Variants in DOCK1 observed in about 807,000 individuals in gnomAD.
DOCK1 encodes the protein dedicator of cytokinesis protein 1.
DOCK1 carries 138 observed loss-of-function variants against 262.7 expected under a neutral mutation model. The ratio of observed to expected loss-of-function variants is 0.53; its 90% CI spans 0.46 to 0.61. The LOEUF is 0.61. Ranked by LOEUF, DOCK1 falls within the 20% of genes least tolerant of loss-of-function variation. The pLI is 0.00. For missense variants in DOCK1, 1,908 were observed against 2,370.7 expected, an observed-to-expected ratio of 0.80 and a Z score of 4.05; for synonymous variants, 866 against 867.4, an observed-to-expected ratio of 1.00 and a Z score of 0.03.
chr10:127,024,578 G>A (rs9418706), intron 14 of DOCK1, 107 bp from the exon 15 acceptor site: 159,245 of 892,280 alleles, frequency 0.18, 15,626 homozygotes, highest in South Asian at 0.3. Flanking sequence ...GTGGGGGTGT[G>A]TTGGTGTTCT....
At chr10:127,351,077 G>T (rs866727516) in intron 31 of DOCK1, among the ~76,000 whole-genome samples, 3 of 152,166 alleles carry the variant, frequency 2.0e-5, no homozygotes, top group Non-Finnish European at 4.4e-5. Context: ...TCACTCGGGG[G>T]TATGTTTCTT....
intron 27 of DOCK1, among the ~76,000 whole-genome samples, chr10:127,182,058 C>T (rs930718094): frequency 1.1e-4 from 17 of 152,104 alleles, no homozygotes; most frequent in Admixed American, 1.3e-4. Context: ...CTGAGCAATG[C>T]GTGAGGAACT....
chr10:127,336,693 C>T (rs1373385163), intron 29 of DOCK1, among the ~76,000 whole-genome samples: 6 of 152,100 alleles, frequency 3.9e-5, no homozygotes, highest in Non-Finnish European at 8.8e-5. Context: ...GTGCCCGCCA[C>T]CACACCCAGC....
At chr10:126,990,086 A>C (rs1180916789) in intron 5 of DOCK1, among the ~76,000 whole-genome samples, 1 of 152,154 alleles carries the variant, frequency 6.6e-6, no homozygotes, top group Admixed American at 6.5e-5. Context: ...GGCTCAGACT[A>C]ATTCCGGAGG....
intron 29 of DOCK1, among the ~76,000 whole-genome samples, chr10:127,303,240 G>A (rs979124345): frequency 6.6e-6 from 1 of 152,182 alleles, no homozygotes; most frequent in African/African-American, 2.4e-5. Context: ...GACACCTCAA[G>A]GATAGGAGGT....
intron 27 of DOCK1, among the ~76,000 whole-genome samples, chr10:127,146,835 C>T (rs972597518): frequency 1.3e-5 from 2 of 152,162 alleles, no homozygotes; most frequent in East Asian, 1.9e-4. Context: ...GGAATTGGCA[C>T]GGATTCTGCA....
chr10:126,999,537 G>T lies in DOCK1; in HGVS notation c.849+102G>T. The T allele has an allele frequency of 3.2e-6, 3 of 941,790 alleles. No individual in the cohort carries two copies. The South Asian group carries it at 4.4e-5, about 14-fold the overall frequency. 58.3% of individuals were successfully genotyped at this position (941,790 alleles called of 1,614,324 possible). A position where few individuals can be genotyped will look rare whatever the true frequency, so the allele number is the denominator to read the frequency against. ...CTGCGACACTAGAACATGGGTCCCT[G>T]GGATGCCTGTATACAGGTTAATTTA... On this transcript the variant is annotated intron_variant, in intron 9 of 51. Transcript: ENST00000623213.
rs1262390159 is a variant in DOCK1 at position 127,428,700 on chromosome 10, G to A, written c.4914+2689G>A. Reference sequence around the variant, plus strand: ...GGGGTACCGTGTGGATTGTGGTGCTGTGTGGACTGTGTCATGTGGATTGTG... The same window carrying A: ...GGGGTACCGTGTGGATTGTGGTGCTATGTGGACTGTGTCATGTGGATTGTG... On this transcript the variant is annotated intron_variant, in intron 47 of 51. Transcript: ENST00000623213. 2.9e-5 allele frequency among the ~76,000 whole-genome samples: 4 copies of A among 137,608 alleles called. No homozygotes were observed. In the Admixed American group the frequency reaches 3.0e-4, roughly 10 times the overall value. The allele number at this position is 137,608 out of a possible 152,430, so 90.3% of individuals were successfully genotyped here.
At chr10:127,188,768 C>T (rs1269602550) in intron 27 of DOCK1, among the ~76,000 whole-genome samples, 1 of 152,242 alleles carries the variant, frequency 6.6e-6, no homozygotes, top group Non-Finnish European at 1.5e-5. Flanking sequence ...TAACACTCAG[C>T]ACAAGCTAGG....
intron 29 of DOCK1, among the ~76,000 whole-genome samples, chr10:127,263,161 A>C (rs1312341066): frequency 6.6e-6 from 1 of 152,220 alleles, no homozygotes; most frequent in African/African-American, 2.4e-5. Flanking sequence ...AATTCATTAC[A>C]TTGCTACTTA....
chr10:127,006,339 G>A (rs1409832718), intron 10 of DOCK1, among the ~76,000 whole-genome samples: 1 of 152,104 alleles, frequency 6.6e-6, no homozygotes, highest in East Asian at 1.9e-4. Context: ...TCCTTCTCCT[G>A]CCCTCTGTCT....
At chr10:127,185,681 A>G (rs890980694) in intron 27 of DOCK1, among the ~76,000 whole-genome samples, 1 of 152,184 alleles carries the variant, frequency 6.6e-6, no homozygotes, top group Non-Finnish European at 1.5e-5. Flanking sequence ...GAATTAGAGA[A>G]GTGGAAAGGA....
chr10:127,103,617 T>C (rs1245610633), intron 23 of DOCK1, among the ~76,000 whole-genome samples: 2 of 152,198 alleles, frequency 1.3e-5, no homozygotes, highest in African/African-American at 4.8e-5. Context: ...TCAGAAATCC[T>C]ATCTGCAGGA....
chr10:127,337,454 G>C (rs2135716899), intron 29 of DOCK1, among the ~76,000 whole-genome samples: 1 of 152,220 alleles, frequency 6.6e-6, no homozygotes, highest in South Asian at 2.1e-4. Context: ...AATTTGTCAG[G>C]ATGCTCTAAA....
At chr10:126,976,239 T>C (rs1309097564) in intron 2 of DOCK1, among the ~76,000 whole-genome samples, 1 of 152,186 alleles carries the variant, frequency 6.6e-6, no homozygotes, top group Non-Finnish European at 1.5e-5. Context: ...ACAATATGGC[T>C]ATCAGGAGAT....
At chr10:127,340,402 T>C (rs1208021160) in intron 30 of DOCK1, among the ~76,000 whole-genome samples, 1 of 152,198 alleles carries the variant, frequency 6.6e-6, no homozygotes, top group Non-Finnish European at 1.5e-5. Context: ...GTGTGTTTTT[T>C]TTCAGCCTTT....
intron 32 of DOCK1, among the ~76,000 whole-genome samples, chr10:127,361,347 C>A (rs1316307185): frequency 6.6e-6 from 1 of 152,062 alleles, no homozygotes; most frequent in African/African-American, 2.4e-5. Flanking sequence ...ATCTCCTGAC[C>A]TCGTGATCTG....
At chr10:127,331,577 C>G (rs570682208) in intron 29 of DOCK1, among the ~76,000 whole-genome samples, 6 of 152,168 alleles carry the variant, frequency 3.9e-5, no homozygotes, top group African/African-American at 1.4e-4. Flanking sequence ...CCACGGCGCC[C>G]GGCCCGGATT....
At chr10:127,127,919 A>G (rs1331440945) in intron 27 of DOCK1, 155 bp downstream of exon 27, 3 of 546,266 alleles carry the variant, frequency 5.5e-6, no homozygotes, top group Non-Finnish European at 2.9e-6. Context: ...AATGAATGTC[A>G]AAGTTGAAGG....
Sources: gnomAD v4.1 joint callset for allele counts (sites outside exome capture counted in the v4.1 genomes callset) on GRCh38, gnomAD v4.1.1 for gene constraint, MANE v1.5 for transcripts, NCBI Gene and HGNC (gene_info 2026-07-23, HGNC 2026-07-21) for gene names.